Variants in OGFR observed in about 807,000 individuals in gnomAD.
OGFR encodes opioid growth factor receptor.
A neutral mutation model predicts 33.6 loss-of-function variants in OGFR; 18 were observed. The observed-to-expected ratio is 0.54, with a 90% confidence interval of 0.37 to 0.80. The LOEUF (loss-of-function observed/expected upper bound fraction) is 0.80, where lower values mean the gene tolerates loss of function less well. Ranked by LOEUF, OGFR falls within the 30% of genes least tolerant of loss-of-function variation. The pLI, the probability that OGFR is intolerant of heterozygous loss-of-function variation, is 0.00. For synonymous variants in OGFR, 370 were observed against 400.7 expected, an observed-to-expected ratio of 0.92 and a Z score of 0.91; for missense variants, 877 against 955.8, an observed-to-expected ratio of 0.92 and a Z score of 1.09.
intron 5 of OGFR, among the ~76,000 whole-genome samples, chr20:62,810,838 G>A (rs571935840): frequency 9.2e-5 from 14 of 152,382 alleles, no homozygotes; most frequent in Admixed American, 1.3e-4. Context: ...CGGAGTGGCG[G>A]GACCTGCCTT....
chr20:62,811,747 C>G (rs1990733411), intron 6 of OGFR, 137 bp downstream of exon 6: 1 of 986,326 alleles, frequency 1.0e-6, no homozygotes, highest in African/African-American at 1.6e-5. Flanking sequence ...CCCTGAGTCC[C>G]CTCCTTGCTG....
chr20:62,813,071 G>T lies in OGFR; in HGVS notation c.1456G>T (p.Ala486Ser). ...GACCTTGGCCCTTGCCGGGTCCCCT[G>T]CCCCATCGGGGCACCCCAAGGCTGG... ...AQTLALAGSP[A>S]PSGHPKAGHS... is the part of the protein sequence containing the mutation. Residue 486 changes from alanine to serine, a missense_variant, in exon 7 of 7, where the codon GCC becomes TCC. Physicochemically the swap from Ala to Ser is moderately conservative, Grantham distance 99. Transcript: ENST00000290291. 1 of 1,579,656 alleles carries T rather than the reference G, an allele frequency of 6.3e-7. No homozygotes were observed. The highest frequency in any genetic ancestry group is 8.6e-7 in the Non-Finnish European group (1 of 1,162,730).
In OGFR at chr20:62,812,451, G is replaced by C. The variant is rs368399818; in HGVS notation, c.836G>C (p.Arg279Pro). The change falls in exon 7 of 7, where the codon CGG becomes CCG. Residue 279 changes from arginine to proline, a missense_variant. Physicochemically the swap from Arg to Pro is moderately radical, Grantham distance 103. This residue lies in a region of OGFR where 760 missense variants were observed against 736.0 expected (regional missense o/e 1.03). Coordinates refer to ENST00000290291, the MANE Select transcript of OGFR (RefSeq NM_007346.4). Reference sequence around the variant, plus strand: ...GTGCACTTCGCCTGGGAGCACTTCCGGCCCCGCTGCAAGTTCGTCTGGGGG... The same window carrying C: ...GTGCACTTCGCCTGGGAGCACTTCCCGCCCCGCTGCAAGTTCGTCTGGGGG... ...QLVHFAWEHF[R>P]PRCKFVWGPQ... 1 of 1,579,548 alleles carries C rather than the reference G, an allele frequency of 6.3e-7. No homozygotes were observed. The highest frequency in any genetic ancestry group is 1.8e-5 in the Admixed American group (1 of 55,430).
intron 1 of OGFR, chr20:62,805,392 C>CCTGGGG (rs760689585): frequency 0.028 from 4,342 of 154,592 alleles, 84 homozygotes; most frequent in Non-Finnish European, 0.042. Context: ...GGCCCCGCGG[C>CCTGGGG]CTGGGGCTGG....
chr20:62,807,369 A>C, intron 1 of OGFR, 168 bp from the exon 2 acceptor site: 1 of 639,960 alleles, frequency 1.6e-6, no homozygotes, highest in Non-Finnish European at 2.8e-6. Flanking sequence ...CCCACTGGGA[A>C]CCCCCAAAAA....
At chr20:62,806,305 G>A (rs1488833717) in intron 1 of OGFR, 1 of 152,250 alleles carries the variant, frequency 6.6e-6, no homozygotes, top group African/African-American at 2.4e-5. Context: ...CACTTTCGGA[G>A]GCCTGGGCAG....
chr20:62,811,626 T>TGGCGGCC lies in OGFR; in HGVS notation c.614+16_614+17insGGCGGCC. The TGGCGGCC allele has an allele frequency of 4.0e-6, 6 of 1,502,502 alleles. No individual in the cohort carries two copies. Among genetic ancestry groups the TGGCGGCC allele is most frequent in the Non-Finnish European group, 4.5e-6 (5 of 1,110,094 alleles). 93.1% of individuals were successfully genotyped at this position (1,502,502 alleles called of 1,614,324 possible). On this transcript the variant is annotated intron_variant, in intron 6 of 6. Transcript: ENST00000290291. ...ACCTGAACTGGTGAGGCCCGGCTGC[T>TGGCGGCC]CCCGCCCACCCCCACCCCGGCGCAG... is the stretch of plus-strand genomic sequence containing the variant.
At position 62,811,626 on chromosome 20, in the gene OGFR, T is replaced by TGGGCCCCCCC; in HGVS notation, c.614+16_614+17insGGGCCCCCCC. 3 of 1,502,514 alleles carry TGGGCCCCCCC rather than the reference T, an allele frequency of 2.0e-6. No homozygotes were observed. The highest frequency in any genetic ancestry group is 1.8e-6 in the Non-Finnish European group (2 of 1,110,108). The allele number at this position is 1,502,514 out of a possible 1,614,324, so 93.1% of individuals were successfully genotyped here. On this transcript the variant is annotated intron_variant, in intron 6 of 6. Coordinates refer to ENST00000290291, the MANE Select transcript of OGFR (RefSeq NM_007346.4). Reference sequence around the variant, plus strand: ...ACCTGAACTGGTGAGGCCCGGCTGCTCCCGCCCACCCCCACCCCGGCGCAG... The same window carrying TGGGCCCCCCC: ...ACCTGAACTGGTGAGGCCCGGCTGCTGGGCCCCCCCCCCGCCCACCCCCACCCCGGCGCAG...
intron 2 of OGFR, chr20:62,807,846 C>G: frequency 1.7e-6 from 1 of 603,220 alleles, no homozygotes; most frequent in South Asian, 2.0e-5. Context: ...GCCTTGCAAA[C>G]ATGGCCATAG....
chr20:62,813,008 G>A lies in OGFR; in HGVS notation c.1393G>A (p.Ala465Thr), dbSNP rs761001289. ...GAAGCGGAGGAAGGTGGATGAGGGT[G>A]CTGGGGACAGTGCTGCGGTGGCCAG... ...VRKRRKVDEGAGDSAAVASGG... is the reference protein window; with the variant it reads ...VRKRRKVDEGTGDSAAVASGG... The change falls in exon 7 of 7, where the codon GCT becomes ACT. Residue 465 changes from alanine to threonine, a missense_variant. Ala to Thr is a moderately conservative substitution (Grantham distance 58). This residue lies in a region of OGFR where 760 missense variants were observed against 736.0 expected (regional missense o/e 1.03). Coordinates refer to ENST00000290291, the MANE Select transcript of OGFR (RefSeq NM_007346.4). 6.8e-6 allele frequency: 11 copies of A among 1,609,322 alleles called. No homozygotes were observed. Among genetic ancestry groups the A allele is most frequent in the African/African-American group, 6.7e-5 (5 of 74,886 alleles).
intron 5 of OGFR, among the ~76,000 whole-genome samples, 194 bp from the exon 6 acceptor site, chr20:62,811,268 G>A (rs1441170483): frequency 1.3e-5 from 2 of 152,166 alleles, no homozygotes; most frequent in African/African-American, 4.8e-5. Context: ...GGAGGCAGAG[G>A]TTGCAGTGAC....
At position 62,813,663 on chromosome 20, in the gene OGFR, C is replaced by A; in HGVS notation, c.*14C>A. On this transcript the variant is annotated 3_prime_UTR_variant, in exon 7 of 7. Coordinates refer to ENST00000290291, the MANE Select transcript of OGFR (RefSeq NM_007346.4). ...GGGAAGCCTTAAGGAAAGGAGTGCC[C>A]GTCGGCGTCTTGGTCCTCCTGTCCC... 1 of 1,610,208 alleles carries A rather than the reference C, an allele frequency of 6.2e-7. No individual in the cohort carries two copies. The highest frequency in any genetic ancestry group is 8.5e-7 in the Non-Finnish European group (1 of 1,178,100).
rs748795889 is a variant in OGFR at position 62,810,594 on chromosome 20, G to A, written c.465+29G>A. 2.5e-6 allele frequency: 4 copies of A among 1,607,830 alleles called. No individual in the cohort carries two copies. The East Asian group carries it at 6.7e-5, about 27-fold the overall frequency. On this transcript the variant is annotated intron_variant, in intron 5 of 6. Transcript: ENST00000290291. Reference sequence around the variant, plus strand: ...AGCCAGGCCTTGGCTGTGACTGGAGGGGAAGATGGGGAGGCCTGGGCAAGC... The same window carrying A: ...AGCCAGGCCTTGGCTGTGACTGGAGAGGAAGATGGGGAGGCCTGGGCAAGC...
At chr20:62,806,672 C>T (rs1387944829) in intron 1 of OGFR, 1 of 152,274 alleles carries the variant, frequency 6.6e-6, no homozygotes, top group African/African-American at 2.4e-5. Context: ...CCTCCTAACC[C>T]CCCTTCTAGC....
chr20:62,807,209 G>A (rs2147182450), intron 1 of OGFR: 1 of 413,244 alleles, frequency 2.4e-6, no homozygotes, highest in Non-Finnish European at 4.5e-6. Flanking sequence ...CCACACCCCA[G>A]GGGAGGTGCA....
chr20:62,811,685 G>C, intron 6 of OGFR, 75 bp downstream of exon 6: 1 of 1,421,336 alleles, frequency 7.0e-7, no homozygotes, highest in South Asian at 1.4e-5. Flanking sequence ...GCAGGTCACA[G>C]AGCGCTGCTG....
rs575905265 is a variant in OGFR at position 62,813,396 on chromosome 20, C to T, written c.1781C>T (p.Pro594Leu). 1 of 1,553,336 alleles carries T rather than the reference C, an allele frequency of 6.4e-7. No individual in the cohort carries two copies. Among genetic ancestry groups the T allele is most frequent in the East Asian group, 2.3e-5 (1 of 42,814 alleles). ...PSPAGPTRDE[P>L]AESPSETPGP... ...CCGGCAGGACCTACAAGGGATGAGC[C>T]AGCCGAGAGCCCATCGGAGACCCCA... The change falls in exon 7 of 7, where the codon CCA (proline) becomes CTA (leucine). Residue 594 changes from proline (P) to leucine (L), a missense_variant. Transcript: ENST00000290291.
At position 62,813,759 on chromosome 20, in the gene OGFR, A is replaced by G. The variant is rs1600780066; in HGVS notation, c.*110A>G. 3.0e-6 allele frequency: 4 copies of G among 1,329,974 alleles called. No individual in the cohort carries two copies. The highest frequency in any genetic ancestry group is 2.2e-4 in the Middle Eastern group (1 of 4,608). 82.4% of individuals were successfully genotyped at this position (1,329,974 alleles called of 1,614,324 possible). A position where few individuals can be genotyped will look rare whatever the true frequency, so the allele number is the denominator to read the frequency against. On this transcript the variant is annotated 3_prime_UTR_variant, in exon 7 of 7. Transcript: ENST00000290291. The stretch of plus-strand genomic sequence containing the variant: ...GGCTCTGCTTCGTGACCCGTGACCC[A>G]TGACCCACAGTGCTGGCCTCCTGTG...
At chr20:62,808,973 T>C (rs1990660557) in intron 3 of OGFR, among the ~76,000 whole-genome samples, 1 of 30,634 alleles carries the variant, frequency 3.3e-5, no homozygotes, top group African/African-American at 1.5e-4. Context: ...AGACTCTGTC[T>C]CAAAAAAAAA....
Sources: gnomAD v4.1 joint callset for allele counts (sites outside exome capture counted in the v4.1 genomes callset) on GRCh38, gnomAD v4.1.1 for gene constraint, gnomAD v4.1.1 regional missense constraint, MANE v1.5 for transcripts, NCBI Gene and HGNC (gene_info 2026-07-23, HGNC 2026-07-21) for gene names.